CHRM3: variants seen among roughly 807,000 people sequenced by gnomAD.
The protein encoded by CHRM3 is muscarinic acetylcholine receptor M3.
In CHRM3, 11 loss-of-function variants were observed where a neutral mutation model predicts 41.8. The ratio of observed to expected loss-of-function variants is 0.26; its 90% CI spans 0.17 to 0.44. The LOEUF is 0.44. CHRM3 is among the 20% of genes least tolerant of loss of function. The pLI, the probability that CHRM3 is intolerant of heterozygous loss-of-function variation, is 1.00. For synonymous variants in CHRM3, 297 were observed against 301.4 expected (o/e 0.99, Z 0.15); for missense variants, 571 against 745.4 (o/e 0.77, Z 2.72).
At chr1:239,706,385 C>G (rs1661166296) in intron 5 of CHRM3, 3 of 152,096 alleles carry the variant, frequency 2.0e-5, no homozygotes, top group Admixed American at 1.3e-4. Flanking sequence ...GCTAGGAGGA[C>G]AGACCATTTC....
At chr1:239,396,668 G>A (rs993419781) in intron 1 of CHRM3, among the ~76,000 whole-genome samples, 2 of 152,052 alleles carry the variant, frequency 1.3e-5, no homozygotes, top group Non-Finnish European at 2.9e-5. Flanking sequence ...AGTAATATAT[G>A]TCATACAAAA....
At chr1:239,431,005 GT>G (rs1394367638) in intron 1 of CHRM3, among the ~76,000 whole-genome samples, 6 of 152,070 alleles carry the variant, frequency 3.9e-5, no homozygotes, top group Admixed American at 6.6e-5. Context: ...CAATATTGGA[GT>G]TTCTTTTAAA....
At chr1:239,469,449 CTT>C (rs1026652618) in intron 1 of CHRM3, among the ~76,000 whole-genome samples, 2 of 152,174 alleles carry the variant, frequency 1.3e-5, no homozygotes, top group Non-Finnish European at 2.9e-5. Context: ...GAGGAACAAA[CTT>C]TATTTTTACA....
chr1:239,905,382 T>C (rs1373924390), intron 6 of CHRM3, among the ~76,000 whole-genome samples: 2 of 152,158 alleles, frequency 1.3e-5, no homozygotes, highest in East Asian at 1.9e-4. Flanking sequence ...TGTGTCTTCC[T>C]TTCTGTAAAG....
intron 6 of CHRM3, among the ~76,000 whole-genome samples, chr1:239,831,076 C>T (rs914909285): frequency 2.0e-5 from 3 of 152,014 alleles, no homozygotes; most frequent in Non-Finnish European, 4.4e-5. Context: ...TTATTATTGA[C>T]TGCTCTGTCA....
intron 5 of CHRM3, chr1:239,706,215 T>C (rs1661149158): frequency 6.7e-6 from 1 of 150,362 alleles, no homozygotes; most frequent in African/African-American, 2.4e-5. Context: ...ATTATTAATA[T>C]AATTTATAAT....
intron 5 of CHRM3, among the ~76,000 whole-genome samples, chr1:239,787,668 A>T (rs1195695636): frequency 6.6e-6 from 1 of 152,176 alleles, no homozygotes; most frequent in African/African-American, 2.4e-5. Context: ...GGAAGCGGGA[A>T]CAGCTACCTC....
At position 239,907,995 on chromosome 1, in the gene CHRM3, A is replaced by G; in HGVS notation, c.544A>G (p.Thr182Ala). 1 of 1,614,120 alleles carries G rather than the reference A, an allele frequency of 6.2e-7. No homozygotes were observed. The highest frequency in any genetic ancestry group is 8.5e-7 in the Non-Finnish European group (1 of 1,180,014). ...RPLTYRAKRT[T>A]KRAGVMIGLA... ...GCTCACGTACCGAGCCAAACGAACA[A>G]CAAAGAGAGCCGGTGTGATGATCGG... Residue 182 changes from threonine (T) to alanine (A), a missense_variant, in exon 7 of 7, where the codon ACA becomes GCA. By Grantham distance (58) the Thr-to-Ala change is moderately conservative. This residue lies in a region of CHRM3 where 153 missense variants were observed against 296.3 expected (regional missense o/e 0.52). Transcript: ENST00000676153. This position sits in a 1 kb window ranked among gnomAD's most constrained non-coding sequence, Gnocchi z 5.4.
intron 5 of CHRM3, among the ~76,000 whole-genome samples, chr1:239,712,152 C>T (rs2148231722): frequency 6.6e-6 from 1 of 152,264 alleles, no homozygotes; most frequent in African/African-American, 2.4e-5. Context: ...TTGTCATGAG[C>T]ATAGGATCAA....
chr1:239,780,143 C>G (rs1668402268), intron 5 of CHRM3, among the ~76,000 whole-genome samples: 1 of 152,094 alleles, frequency 6.6e-6, no homozygotes, highest in African/African-American at 2.4e-5. Flanking sequence ...TGAATAAATA[C>G]CAAGTAATGT....
chr1:239,517,219 T>A (rs9428474), intron 2 of CHRM3, among the ~76,000 whole-genome samples: 2 of 151,982 alleles, frequency 1.3e-5, no homozygotes, highest in African/African-American at 4.8e-5. Context: ...GTATGTAAAT[T>A]TTGGCTTATA....
At chr1:239,707,429 T>C (rs1383715687) in intron 5 of CHRM3, 1 of 152,204 alleles carries the variant, frequency 6.6e-6, no homozygotes, top group African/African-American at 2.4e-5. Context: ...TGGCAACTAT[T>C]GTTTAGGTAA....
intron 1 of CHRM3, among the ~76,000 whole-genome samples, chr1:239,397,839 A>C (rs1659629612): frequency 6.6e-6 from 1 of 151,406 alleles, no homozygotes; most frequent in Non-Finnish European, 1.5e-5. Context: ...AGGAAGAAGC[A>C]GTGTGAAAAA....
chr1:239,891,355 C>G (rs1235997565), intron 6 of CHRM3, among the ~76,000 whole-genome samples: 2 of 151,940 alleles, frequency 1.3e-5, no homozygotes, highest in African/African-American at 4.8e-5. Flanking sequence ...TTCTTTTTTT[C>G]CCTCTGAATA....
chr1:239,601,559 G>A (rs1447369747), intron 3 of CHRM3, among the ~76,000 whole-genome samples: 1 of 151,962 alleles, frequency 6.6e-6, no homozygotes, highest in African/African-American at 2.4e-5. Context: ...AAAAAAAAAG[G>A]CTTATGGGTA....
In CHRM3 at chr1:239,568,656, T is replaced by G. The variant is rs1025149889; in HGVS notation, c.-313+22907T>G. On this transcript the variant is annotated intron_variant, in intron 3 of 6. Coordinates refer to ENST00000676153, the MANE Select transcript of CHRM3 (RefSeq NM_001375978.1). ...AAGAAAAAATTAGACATATATCCCC[T>G]TACCCTCAGCCTCCTCTGCTCTTTT... 2.0e-5 allele frequency among the ~76,000 whole-genome samples: 3 copies of G among 152,228 alleles called. No homozygotes were observed. In the South Asian group the frequency reaches 6.2e-4, roughly 32 times the overall value.
At chr1:239,646,954 G>A (rs976917253) in intron 4 of CHRM3, among the ~76,000 whole-genome samples, 3 of 152,148 alleles carry the variant, frequency 2.0e-5, no homozygotes, top group Non-Finnish European at 4.4e-5. Flanking sequence ...GGAAAACTAC[G>A]AATGGGAGTG....
intron 5 of CHRM3, among the ~76,000 whole-genome samples, chr1:239,775,500 C>G (rs144071836): frequency 6.6e-6 from 1 of 152,150 alleles, no homozygotes; most frequent in Admixed American, 6.5e-5. Context: ...TCTCTTTAAA[C>G]GGAAAGTACA....
chr1:239,715,477 A>T (rs1662253322), intron 5 of CHRM3, among the ~76,000 whole-genome samples: 1 of 152,120 alleles, frequency 6.6e-6, no homozygotes, highest in African/African-American at 2.4e-5. Flanking sequence ...GCTGGAGTAA[A>T]ACTATCATGG....
Sources: allele counts gnomAD v4.1 joint callset (sites outside exome capture counted in the v4.1 genomes callset), GRCh38; gene constraint gnomAD v4.1.1; regional missense constraint gnomAD v4.1.1; non-coding constraint Gnocchi (gnomAD v3.1); transcripts MANE v1.5; gene names NCBI Gene and HGNC (gene_info 2026-07-23, HGNC 2026-07-21).